Variants in TENM2 observed in about 807,000 individuals in gnomAD.
TENM2 encodes the protein teneurin transmembrane protein 2.
A neutral mutation model predicts 245.2 loss-of-function variants in TENM2; 52 were observed. The ratio of observed to expected loss-of-function variants is 0.21; its 90% CI spans 0.17 to 0.27. TENM2 has a LOEUF of 0.27. Ranked by LOEUF, TENM2 falls within the 10% of genes least tolerant of loss-of-function variation. The probability of loss-of-function intolerance (pLI) is 1.00; values close to 1 mark genes in which losing one functional copy is unlikely to be tolerated. For synonymous variants in TENM2, 1,363 were observed against 1,438.9 expected (o/e 0.95, Z 1.19); for missense variants, 3,046 against 3,666.8 (o/e 0.83, Z 4.37).
intron 4 of TENM2, 31 bp downstream of exon 6, chr5:167,952,853 C>T (rs926562067): frequency 6.5e-7 from 1 of 1,529,928 alleles, no homozygotes; most frequent in Non-Finnish European, 8.9e-7. Context: ...CACAGTCACA[C>T]TCAGTGTCAC....
At chr5:167,503,504 G>A (rs1769345833) in intron 2 of TENM2, among the ~76,000 whole-genome samples, 1 of 140,162 alleles carries the variant, frequency 7.1e-6, no homozygotes, top group East Asian at 2.1e-4. Flanking sequence ...GTATGTGTCA[G>A]AATAATGTCT....
intron 2 of TENM2, among the ~76,000 whole-genome samples, chr5:167,584,681 A>G (rs1483839303): frequency 1.4e-5 from 2 of 146,348 alleles, no homozygotes; most frequent in Non-Finnish European, 3.0e-5. Flanking sequence ...CCTCACACCT[A>G]AGCTTTCTTT....
intron 2 of TENM2, among the ~76,000 whole-genome samples, chr5:167,501,389 A>G (rs1381013287): frequency 1.3e-5 from 2 of 152,116 alleles, no homozygotes; most frequent in Admixed American, 6.6e-5. Flanking sequence ...CTACCGTGGC[A>G]ACCAGCACCA....
chr5:167,991,017 C>T (rs971663726), intron 4 of TENM2, among the ~76,000 whole-genome samples: 5 of 152,144 alleles, frequency 3.3e-5, no homozygotes, highest in Non-Finnish European at 7.3e-5. Context: ...TTAAGTCAGG[C>T]AGACTGGAGC....
chr5:168,218,040 G>C lies in TENM2; in HGVS notation c.4234-85G>C. The C allele has an allele frequency of 7.0e-7, 1 of 1,432,564 alleles. No homozygotes were observed. Among genetic ancestry groups the C allele is most frequent in the Non-Finnish European group, 9.4e-7 (1 of 1,059,816 alleles). The allele number at this position is 1,432,564 out of a possible 1,614,324, so 88.7% of individuals were successfully genotyped here. A position where few individuals can be genotyped will look rare whatever the true frequency, so the allele number is the denominator to read the frequency against. On this transcript the variant is annotated intron_variant, in intron 22 of 28. Transcript: ENST00000518659. This position sits in a 1 kb window ranked among gnomAD's most constrained non-coding sequence, Gnocchi z 5.2. ...TATTAAAAAGCTGTCTTTTTTCCTA[G>C]ATATATAAAACCAGTAAGTGCCGTA... is the stretch of plus-strand genomic sequence containing the variant.
At chr5:168,159,169 G>A (rs1166611558) in intron 12 of TENM2, among the ~76,000 whole-genome samples, 1 of 151,778 alleles carries the variant, frequency 6.6e-6, no homozygotes, top group East Asian at 1.9e-4. Flanking sequence ...AAAATAAAAA[G>A]TGTCTTCAGA....
chr5:167,396,703 A>G (rs1269658267), intron 2 of TENM2, among the ~76,000 whole-genome samples: 6 of 152,188 alleles, frequency 3.9e-5, no homozygotes, highest in Non-Finnish European at 8.8e-5. Context: ...CAGGGAAAGT[A>G]GTGTCCTTAG....
At chr5:167,288,245 A>G (rs957280711) in intron 1 of TENM2, among the ~76,000 whole-genome samples, 5 of 152,162 alleles carry the variant, frequency 3.3e-5, no homozygotes, top group Non-Finnish European at 7.4e-5. Flanking sequence ...AACAAACAAC[A>G]ATAATAACAA....
the TENM2 span, among the ~76,000 whole-genome samples, chr5:167,068,648 G>A: frequency 2.6e-5 from 4 of 152,102 alleles, no homozygotes; most frequent in African/African-American, 9.7e-5. Flanking sequence ...ACATGTAGCT[G>A]GTGGCTACTA....
chr5:167,380,843 G>A (rs571035573), intron 2 of TENM2, among the ~76,000 whole-genome samples: 93 of 152,212 alleles, frequency 6.1e-4, no homozygotes, highest in Non-Finnish European at 1.2e-3. Flanking sequence ...GTCTGTTCAC[G>A]ATTGGAAGCC....
chr5:167,086,352 G>A, the TENM2 span, among the ~76,000 whole-genome samples: 1 of 152,174 alleles, frequency 6.6e-6, no homozygotes, highest in Non-Finnish European at 1.5e-5. Flanking sequence ...AAGTCGCTGG[G>A]ATTCTGGGAC....
the TENM2 span, among the ~76,000 whole-genome samples, chr5:167,126,276 A>C: frequency 2.0e-5 from 3 of 152,180 alleles, no homozygotes; most frequent in Non-Finnish European, 4.4e-5. Flanking sequence ...GGCATATTTC[A>C]GGGAGACAGC....
intron 2 of TENM2, among the ~76,000 whole-genome samples, chr5:167,375,734 A>G (rs548676747): frequency 1.3e-5 from 2 of 152,340 alleles, no homozygotes; most frequent in East Asian, 1.9e-4. Context: ...CAAGTAAATT[A>G]CATTGCAAAA....
chr5:167,433,116 A>ATTT (rs141516514), intron 2 of TENM2, among the ~76,000 whole-genome samples: 10 of 151,600 alleles, frequency 6.6e-5, no homozygotes, highest in Non-Finnish European at 8.8e-5. Flanking sequence ...ATAAATATTG[A>ATTT]ATTTTTTTTT....
chr5:166,999,088 T>C, the TENM2 span, among the ~76,000 whole-genome samples: 6 of 151,800 alleles, frequency 4.0e-5, no homozygotes, highest in Non-Finnish European at 8.8e-5. Context: ...TTTTTATGTT[T>C]AAAAAACCCT....
intron 13 of TENM2, among the ~76,000 whole-genome samples, chr5:168,178,961 C>T (rs1469016165): frequency 2.6e-5 from 4 of 151,908 alleles, no homozygotes; most frequent in African/African-American, 9.7e-5. Context: ...ATGGTGAAAC[C>T]CCATCTCTAC....
intron 1 of TENM2, among the ~76,000 whole-genome samples, chr5:167,326,001 A>T (rs1581749145): frequency 6.6e-6 from 1 of 152,206 alleles, no homozygotes; most frequent in African/African-American, 2.4e-5. Context: ...GTCTGAAAAG[A>T]TCTCTCTGGA....
At chr5:167,005,117 G>A in the TENM2 span, among the ~76,000 whole-genome samples, 1 of 152,164 alleles carries the variant, frequency 6.6e-6, no homozygotes, top group Non-Finnish European at 1.5e-5. Context: ...ATGTCTGTGA[G>A]TCACTTTGCT....
intron 2 of TENM2, among the ~76,000 whole-genome samples, chr5:167,775,297 A>C (rs2973665): frequency 0.99 from 150,144 of 152,308 alleles, 74,033 homozygotes; most frequent in Middle Eastern, 1. Flanking sequence ...GACCACCTTG[A>C]AACCAGTAAG....
Sources: gnomAD v4.1 joint callset for allele counts (sites outside exome capture counted in the v4.1 genomes callset) on GRCh38, gnomAD v4.1.1 for gene constraint, Gnocchi (gnomAD v3.1) non-coding constraint, MANE v1.5 for transcripts, NCBI Gene and HGNC (gene_info 2026-07-23, HGNC 2026-07-21) for gene names.